KHDRBS2: variants seen among roughly 807,000 people sequenced by gnomAD.
The protein encoded by KHDRBS2 is KH domain-containing, RNA-binding, signal transduction-associated protein 2.
Under a neutral mutation model 44.3 loss-of-function variants are expected in KHDRBS2, and 26 were observed. The ratio of observed to expected loss-of-function variants is 0.59; its 90% CI spans 0.43 to 0.81. KHDRBS2 has a LOEUF of 0.81. Among genes scored for constraint, KHDRBS2 ranks in the 40% least tolerant of loss-of-function variants. The pLI, the probability that KHDRBS2 is intolerant of heterozygous loss-of-function variation, is 0.00. For missense variants in KHDRBS2, 476 were observed against 433.1 expected, an observed-to-expected ratio of 1.10 and a Z score of -0.88; for synonymous variants, 194 against 151.1, an observed-to-expected ratio of 1.28 and a Z score of -2.08.
chr6:62,117,666 C>A (rs1806593565), intron 2 of KHDRBS2, among the ~76,000 whole-genome samples: 1 of 152,082 alleles, frequency 6.6e-6, no homozygotes, highest in Non-Finnish European at 1.5e-5. Context: ...GGTCTAAACC[C>A]AAAATGTGCT....
chr6:61,616,727 G>T, the KHDRBS2 span, among the ~76,000 whole-genome samples: 3 of 152,016 alleles, frequency 2.0e-5, no homozygotes, highest in East Asian at 5.8e-4. Flanking sequence ...TTAATGAGAA[G>T]ACTAAGACTC....
chr6:61,545,450 A>G, the KHDRBS2 span, among the ~76,000 whole-genome samples: 2 of 151,530 alleles, frequency 1.3e-5, no homozygotes, highest in Non-Finnish European at 2.9e-5. Flanking sequence ...ATTGTGAAGG[A>G]AGGTGGAGGG....
chr6:62,040,627 G>T lies in KHDRBS2; in HGVS notation c.336+7251C>A, dbSNP rs369705277. On this transcript the variant is annotated intron_variant, in intron 3 of 8. Transcript: ENST00000281156. ...AAGCCTGCACTAAGATGACTCAAAG[G>T]CTGGACTAAAGTAGGACTGCCCACT... 2.6e-5 allele frequency among the ~76,000 whole-genome samples: 4 copies of T among 152,062 alleles called. No homozygotes were observed. In the East Asian group the frequency reaches 7.8e-4, roughly 30 times the overall value.
intron 4 of KHDRBS2, among the ~76,000 whole-genome samples, chr6:61,907,370 T>A (rs1422721569): frequency 2.0e-5 from 3 of 152,186 alleles, no homozygotes; most frequent in African/African-American, 7.2e-5. Context: ...CTTCACTTTG[T>A]TGATTGTTTC....
At chr6:62,161,602 C>A (rs1479001230) in intron 2 of KHDRBS2, among the ~76,000 whole-genome samples, 1 of 135,322 alleles carries the variant, frequency 7.4e-6, no homozygotes, top group Non-Finnish European at 1.5e-5. Context: ...AGAACAAATC[C>A]TCTGAAGATT....
chr6:61,747,411 T>G (rs928278566), intron 6 of KHDRBS2, among the ~76,000 whole-genome samples: 4 of 152,210 alleles, frequency 2.6e-5, no homozygotes, highest in African/African-American at 9.6e-5. Context: ...CTATTTAATA[T>G]TTTTAAGTTT....
intron 3 of KHDRBS2, among the ~76,000 whole-genome samples, chr6:62,018,397 G>T (rs1434792070): frequency 2.0e-5 from 3 of 151,462 alleles, no homozygotes; most frequent in African/African-American, 7.3e-5. Flanking sequence ...ATCAAAACCA[G>T]GCCGGAGTGT....
At chr6:62,011,211 A>G (rs558477054) in intron 3 of KHDRBS2, among the ~76,000 whole-genome samples, 2 of 152,172 alleles carry the variant, frequency 1.3e-5, no homozygotes, top group Non-Finnish European at 2.9e-5. Context: ...CTCAAGGAGC[A>G]CCTAGAATTT....
chr6:61,596,315 A>G, the KHDRBS2 span, among the ~76,000 whole-genome samples: 8 of 152,244 alleles, frequency 5.3e-5, no homozygotes, highest in Non-Finnish European at 1.2e-4. Context: ...AATCTGATCA[A>G]TAGTCCCACG....
chr6:62,189,302 T>C (rs373994545), intron 1 of KHDRBS2, among the ~76,000 whole-genome samples: 1 of 152,050 alleles, frequency 6.6e-6, no homozygotes, highest in African/African-American at 2.4e-5. Flanking sequence ...CTCTCAACAG[T>C]AAGGCTTTCA....
At chr6:61,938,106 G>C (rs1164186358) in intron 4 of KHDRBS2, among the ~76,000 whole-genome samples, 1 of 151,980 alleles carries the variant, frequency 6.6e-6, no homozygotes, top group Admixed American at 6.6e-5. Flanking sequence ...TACAGCACTG[G>C]AGTCTAGGCA....
intron 3 of KHDRBS2, among the ~76,000 whole-genome samples, chr6:62,024,946 A>G (rs1180259309): frequency 2.0e-5 from 3 of 151,770 alleles, no homozygotes; most frequent in African/African-American, 4.8e-5. Context: ...ATTTAGAAGA[A>G]TCTGCCTCCA....
intron 6 of KHDRBS2, among the ~76,000 whole-genome samples, chr6:61,748,068 G>A (rs1461766994): frequency 6.6e-6 from 1 of 152,134 alleles, no homozygotes; most frequent in Non-Finnish European, 1.5e-5. Context: ...TCAGCTCACT[G>A]CAACCTCTGC....
chr6:61,846,023 C>A (rs2127277125), intron 6 of KHDRBS2, among the ~76,000 whole-genome samples: 1 of 152,148 alleles, frequency 6.6e-6, no homozygotes, highest in South Asian at 2.1e-4. Context: ...TGTGTGGCAC[C>A]TCTCTCTCTC....
chr6:61,589,723 A>G, the KHDRBS2 span, among the ~76,000 whole-genome samples: 1 of 152,202 alleles, frequency 6.6e-6, no homozygotes, highest in Non-Finnish European at 1.5e-5. Context: ...TGCCCCAAGT[A>G]TTTGGTAATA....
chr6:62,240,312 AG>A (rs1434262900), intron 1 of KHDRBS2, among the ~76,000 whole-genome samples: 1 of 152,020 alleles, frequency 6.6e-6, no homozygotes, highest in Non-Finnish European at 1.5e-5. Context: ...TTTACTTTCT[AG>A]TACTAAAAAA....
At chr6:61,622,991 A>G in the KHDRBS2 span, among the ~76,000 whole-genome samples, 1 of 152,084 alleles carries the variant, frequency 6.6e-6, no homozygotes, top group Non-Finnish European at 1.5e-5. Flanking sequence ...AGTTACTATA[A>G]TGATTGGCAG....
At chr6:61,943,123 A>AAAGAAAAAAAG (rs1554283295) in intron 4 of KHDRBS2, among the ~76,000 whole-genome samples, 1 of 139,030 alleles carries the variant, frequency 7.2e-6, no homozygotes, top group South Asian at 2.3e-4. Context: ...AAGAAAAAAG[A>AAAGAAAAAAAG]AAAGAAAGAA....
At chr6:62,234,318 G>T (rs1272518581) in intron 1 of KHDRBS2, among the ~76,000 whole-genome samples, 1 of 152,060 alleles carries the variant, frequency 6.6e-6, no homozygotes, top group African/African-American at 2.4e-5. Flanking sequence ...TGCAATATAG[G>T]TTTATTACTA....
Sources: gnomAD v4.1 joint callset for allele counts (sites outside exome capture counted in the v4.1 genomes callset) on GRCh38, gnomAD v4.1.1 for gene constraint, MANE v1.5 for transcripts, NCBI Gene and HGNC (gene_info 2026-07-23, HGNC 2026-07-21) for gene names.